RUNX1: variants seen among roughly 807,000 people sequenced by gnomAD.
RUNX1 encodes the protein runt-related transcription factor 1.
In RUNX1, 19 loss-of-function variants were observed where a neutral mutation model predicts 42.8. That is an observed-to-expected ratio of 0.44 (90% CI 0.31 to 0.65). RUNX1 has a LOEUF of 0.65. RUNX1 is among the 30% of genes least tolerant of loss of function. RUNX1 has a pLI of 0.07. For synonymous variants in RUNX1, 271 were observed against 289.4 expected, an observed-to-expected ratio of 0.94 and a Z score of 0.64; for missense variants, 528 against 672.0, an observed-to-expected ratio of 0.79 and a Z score of 2.37.
intron 3 of RUNX1, among the ~76,000 whole-genome samples, chr21:34,888,886 G>C (rs998789782): frequency 6.6e-6 from 1 of 151,658 alleles, no homozygotes; most frequent in Admixed American, 6.6e-5. Flanking sequence ...GCTACTGTAC[G>C]CAGCCCGGGC....
chr21:34,831,748 C>T (rs560410656), intron 7 of RUNX1, among the ~76,000 whole-genome samples: 12 of 152,250 alleles, frequency 7.9e-5, no homozygotes, highest in Middle Eastern at 3.4e-3. Context: ...CAGGGCTGAG[C>T]CTGGAAAATA....
chr21:34,835,906 C>T (rs1023589942), intron 6 of RUNX1, among the ~76,000 whole-genome samples: 35 of 152,190 alleles, frequency 2.3e-4, no homozygotes, highest in African/African-American at 8.4e-4. Context: ...TGTAGTCCAG[C>T]TCCCAATGGC....
chr21:35,034,709 A>C (rs1256317594), intron 2 of RUNX1, among the ~76,000 whole-genome samples: 1 of 152,152 alleles, frequency 6.6e-6, no homozygotes, highest in Non-Finnish European at 1.5e-5. Context: ...ACAGAGAATG[A>C]TTCGGTTGCA....
At chr21:34,808,404 G>A (rs780795227) in intron 7 of RUNX1, among the ~76,000 whole-genome samples, 10 of 152,040 alleles carry the variant, frequency 6.6e-5, no homozygotes, top group Non-Finnish European at 7.4e-5. Flanking sequence ...CCCTGTGTCC[G>A]CCTCTCCACC....
rs2056399542 is a variant in RUNX1, at chr21:34,788,726, A to T, written c.*3409T>A. 4.3e-6 allele frequency: 1 copy of T among 233,458 alleles called. No homozygotes were observed. The highest frequency in any genetic ancestry group is 1.8e-4 in the South Asian group (1 of 5,532). 14.5% of individuals were successfully genotyped at this position (233,458 alleles called of 1,614,324 possible). Reference sequence around the variant, plus strand: ...CCTGGCTAAAAACAAAATTCCCAACAAACACACAAAAATCCCAAAACAAAT... The same window carrying T: ...CCTGGCTAAAAACAAAATTCCCAACTAACACACAAAAATCCCAAAACAAAT... On this transcript the variant is annotated 3_prime_UTR_variant, in exon 9 of 9. Coordinates refer to ENST00000675419, the MANE Select transcript of RUNX1 (RefSeq NM_001754.5).
At chr21:34,801,546 A>T (rs1381484334) in intron 7 of RUNX1, among the ~76,000 whole-genome samples, 3 of 152,226 alleles carry the variant, frequency 2.0e-5, no homozygotes, top group African/African-American at 7.2e-5. Flanking sequence ...AGGCTTGCAG[A>T]TTCCACATTT....
Position 34,982,397 on chromosome 21 carries a change from GGT to G in RUNX1, c.58+66443_58+66444del, listed in dbSNP as rs56091299. 6.1e-5 allele frequency among the ~76,000 whole-genome samples: 9 copies of G among 148,308 alleles called. No homozygotes were observed. In the East Asian group the frequency reaches 9.9e-4, roughly 16 times the overall value. On this transcript the variant is annotated intron_variant, in intron 2 of 8. Transcript: ENST00000675419. ...AAGGCTCAATTATGAAGTCAAAAGG[GGT>G]GTGTGTGTGTGTGTGTGTGACGGAA...
intron 8 of RUNX1, among the ~76,000 whole-genome samples, chr21:34,793,974 G>A (rs547815773): frequency 6.6e-6 from 1 of 152,138 alleles, no homozygotes; most frequent in African/African-American, 2.4e-5. Context: ...AAAGTGCTGG[G>A]ATTACAGGCA....
At chr21:34,996,513 C>T (rs967578404) in intron 2 of RUNX1, among the ~76,000 whole-genome samples, 21 of 151,956 alleles carry the variant, frequency 1.4e-4, no homozygotes, top group African/African-American at 4.8e-4. Flanking sequence ...TGTCAGCCCA[C>T]GAGATGCTGG....
intron 6 of RUNX1, 106 bp downstream of exon 6, chr21:34,859,368 G>C (rs2057538510): frequency 1.1e-6 from 1 of 946,918 alleles, no homozygotes; most frequent in Non-Finnish European, 1.7e-6. Flanking sequence ...ACATCCCCCT[G>C]GGGGAAAGGT....
chr21:34,983,873 T>C (rs2058865515), intron 2 of RUNX1, among the ~76,000 whole-genome samples: 1 of 152,182 alleles, frequency 6.6e-6, no homozygotes, highest in Admixed American at 6.5e-5. Context: ...GTCATCACCA[T>C]TAACTCTGAA....
Position 35,001,504 on chromosome 21 carries a change from C to T in RUNX1, c.58+47338G>A, listed in dbSNP as rs185718038. Among the ~76,000 whole-genome samples, 118 of 152,080 alleles carry T rather than the reference C, an allele frequency of 7.8e-4. 1 individual carries two copies. The highest frequency in any genetic ancestry group is 5.2e-3 in the Admixed American group (79 of 15,282). Reference sequence around the variant, plus strand: ...TTAGGAGTAGAAGAAAACTTCAACACGATAAAGCTCATATATAGAAACCCA... The same window carrying T: ...TTAGGAGTAGAAGAAAACTTCAACATGATAAAGCTCATATATAGAAACCCA... On this transcript the variant is annotated intron_variant, in intron 2 of 8. Coordinates refer to ENST00000675419, the MANE Select transcript of RUNX1 (RefSeq NM_001754.5).
intron 2 of RUNX1, among the ~76,000 whole-genome samples, chr21:34,898,950 G>C (rs2058153019): frequency 6.6e-6 from 1 of 152,178 alleles, no homozygotes. Flanking sequence ...GTCTCACTCT[G>C]TCACCCAGGC....
chr21:34,884,697 A>G (rs1233165420), intron 4 of RUNX1, among the ~76,000 whole-genome samples: 1 of 152,190 alleles, frequency 6.6e-6, no homozygotes, highest in Non-Finnish European at 1.5e-5. Flanking sequence ...TCTTCTAGTT[A>G]TGCAGTGAGC....
chr21:34,828,357 G>A (rs1240092769), intron 7 of RUNX1, among the ~76,000 whole-genome samples: 2 of 152,134 alleles, frequency 1.3e-5, no homozygotes, highest in South Asian at 2.1e-4. Context: ...ATTATATTTT[G>A]GAAGTATTAT....
chr21:34,983,709 C>A (rs144845696), intron 2 of RUNX1, among the ~76,000 whole-genome samples: 143 of 152,238 alleles, frequency 9.4e-4, no homozygotes, highest in Middle Eastern at 3.4e-3. Flanking sequence ...AGCTATAACT[C>A]TTTGGTGTGT....
chr21:34,874,059 T>C (rs1010944620), intron 5 of RUNX1, among the ~76,000 whole-genome samples: 2 of 152,096 alleles, frequency 1.3e-5, no homozygotes, highest in African/African-American at 4.8e-5. Flanking sequence ...GTTATTAGCA[T>C]GAATTTAGTC....
chr21:34,797,574 G>T (rs2056547314), intron 8 of RUNX1, among the ~76,000 whole-genome samples: 1 of 152,222 alleles, frequency 6.6e-6, no homozygotes, highest in Non-Finnish European at 1.5e-5. Flanking sequence ...ACCGTAGCCG[G>T]TGTGCAGAGG....
At position 34,967,078 on chromosome 21, in the gene RUNX1, G is replaced by A. The variant is rs139098948; in HGVS notation, c.59-74115C>T. Among the ~76,000 whole-genome samples the A allele has an allele frequency of 2.5e-3, 372 of 151,826 alleles. 5 individuals are homozygous for A. The highest frequency in any genetic ancestry group is 7.9e-3 in the African/African-American group (329 of 41,448). ...AGAATAGTATTTTCCCAGGCCGGGC[G>A]CGGCGGCCAAGGCGAGTGGATCATG... On this transcript the variant is annotated intron_variant, in intron 2 of 8. Coordinates refer to ENST00000675419, the MANE Select transcript of RUNX1 (RefSeq NM_001754.5).
Sources: allele counts gnomAD v4.1 joint callset (sites outside exome capture counted in the v4.1 genomes callset), GRCh38; gene constraint gnomAD v4.1.1; transcripts MANE v1.5; gene names NCBI Gene and HGNC (gene_info 2026-07-23, HGNC 2026-07-21).